CTNNA2: variants seen among roughly 807,000 people sequenced by gnomAD.
CTNNA2 encodes catenin alpha 2.
CTNNA2 carries 42 observed loss-of-function variants against 101.0 expected under a neutral mutation model. The ratio of observed to expected loss-of-function variants is 0.42; its 90% CI spans 0.32 to 0.54. The LOEUF (loss-of-function observed/expected upper bound fraction) is 0.54, where lower values mean the gene tolerates loss of function less well. Ranked by LOEUF, CTNNA2 falls within the 20% of genes least tolerant of loss-of-function variation. The probability of loss-of-function intolerance (pLI) is 0.14; values close to 1 mark genes in which losing one functional copy is unlikely to be tolerated. For synonymous variants in CTNNA2, 450 were observed against 456.4 expected (o/e 0.99, Z 0.18); for missense variants, 871 against 1,223.1 (o/e 0.71, Z 4.29).
chr2:79,425,676 G>A (rs1678585008), intron 4 of CTNNA2, among the ~76,000 whole-genome samples: 1 of 152,098 alleles, frequency 6.6e-6, no homozygotes, highest in African/African-American at 2.4e-5. Flanking sequence ...CACAACACCT[G>A]AGTTTTGGAT....
intron 7 of CTNNA2, among the ~76,000 whole-genome samples, chr2:80,065,299 A>C (rs1039887384): frequency 1.3e-5 from 2 of 151,872 alleles, no homozygotes; most frequent in Non-Finnish European, 2.9e-5. Context: ...AGAAGTCGAT[A>C]TACCTAGTGG....
intron 11 of CTNNA2, among the ~76,000 whole-genome samples, chr2:80,550,867 C>T (rs567162344): frequency 1.1e-4 from 17 of 152,248 alleles, no homozygotes; most frequent in South Asian, 4.1e-4. Context: ...TGACTTTCTC[C>T]GGTGAATCAA....
intron 2 of CTNNA2, among the ~76,000 whole-genome samples, chr2:79,694,937 G>A (rs1323414988): frequency 6.6e-6 from 1 of 151,578 alleles, no homozygotes; most frequent in Non-Finnish European, 1.5e-5. Flanking sequence ...ACAGGCATCT[G>A]TTGTTACAGG....
intron 9 of CTNNA2, among the ~76,000 whole-genome samples, chr2:80,501,985 T>C (rs976672249): frequency 6.6e-6 from 1 of 152,146 alleles, no homozygotes; most frequent in Non-Finnish European, 1.5e-5. Flanking sequence ...TCCAAGTTTG[T>C]TATAACACAC....
intron 7 of CTNNA2, among the ~76,000 whole-genome samples, chr2:80,249,020 CA>C (rs2149103150): frequency 6.6e-6 from 1 of 152,194 alleles, no homozygotes; most frequent in African/African-American, 2.4e-5. Flanking sequence ...CTTTTCTAAT[CA>C]GGGTTTTAGT....
chr2:79,893,065 G>A (rs1684419017), intron 6 of CTNNA2, among the ~76,000 whole-genome samples: 1 of 152,110 alleles, frequency 6.6e-6, no homozygotes, highest in African/African-American at 2.4e-5. Context: ...AATCCTTGAT[G>A]AGAAAATCTC....
rs1674365249 is a variant in CTNNA2, at chr2:80,648,591, A to G, written c.*719A>G. ...CAATACGGTGACCAATCTTGCTTTCATTTTTTTTTCTTTTTAATTTGAACC... is the reference window on the plus strand; with the variant it reads ...CAATACGGTGACCAATCTTGCTTTCGTTTTTTTTTCTTTTTAATTTGAACC... On this transcript the variant is annotated 3_prime_UTR_variant, in exon 19 of 19. Transcript: ENST00000402739. 1 of 132,946 alleles carries G rather than the reference A, an allele frequency of 7.5e-6. No homozygotes were observed. The highest frequency in any genetic ancestry group is 1.7e-5 in the Non-Finnish European group (1 of 57,256). The allele number at this position is 132,946 out of a possible 1,614,324, so 8.2% of individuals were successfully genotyped here. A position where few individuals can be genotyped will look rare whatever the true frequency, so the allele number is the denominator to read the frequency against.
chr2:80,395,693 C>T (rs1050408384), intron 8 of CTNNA2, among the ~76,000 whole-genome samples: 9 of 152,100 alleles, frequency 5.9e-5, no homozygotes, highest in South Asian at 2.1e-4. Context: ...GCTCAGAGAA[C>T]GCTAATGGCT....
At chr2:80,208,662 T>C (rs554930577) in intron 7 of CTNNA2, among the ~76,000 whole-genome samples, 1 of 152,302 alleles carries the variant, frequency 6.6e-6, no homozygotes, top group African/African-American at 2.4e-5. Context: ...GTACCATCCC[T>C]AAGGATCCAG....
chr2:79,719,320 A>G (rs1686322479), intron 2 of CTNNA2, among the ~76,000 whole-genome samples: 1 of 152,270 alleles, frequency 6.6e-6, no homozygotes, highest in South Asian at 2.1e-4. Flanking sequence ...CCATTAATGG[A>G]CACCTAGGTT....
chr2:80,225,409 G>A (rs1708824799), intron 7 of CTNNA2, among the ~76,000 whole-genome samples: 1 of 152,124 alleles, frequency 6.6e-6, no homozygotes, highest in Non-Finnish European at 1.5e-5. Flanking sequence ...ATGACAGACT[G>A]ATGCTGTGAA....
At chr2:80,190,793 T>A (rs530883348) in intron 7 of CTNNA2, among the ~76,000 whole-genome samples, 4 of 152,226 alleles carry the variant, frequency 2.6e-5, no homozygotes, top group Admixed American at 6.5e-5. Flanking sequence ...TCTCTTCAAC[T>A]TAGAATGCCA....
In CTNNA2 at chr2:80,647,602, G is replaced by A. The variant is rs773638488; in HGVS notation, c.2592G>A (p.Ser864=). 5.8e-5 allele frequency: 93 copies of A among 1,612,116 alleles called. No individual in the cohort carries two copies. The highest frequency in any genetic ancestry group is 2.5e-4 in the Admixed American group (15 of 59,902). ...SDSSMLDSAT[S]LIQAAKNLMN... ...TACTCTAGCTGGACAGTGCCACATC[G>A]CTTATCCAGGCAGCTAAAAACCTGA... is the stretch of plus-strand genomic sequence containing the variant. Residue 864 remains serine, a synonymous_variant, in exon 19 of 19, where the codon TCG becomes TCA. Transcript: ENST00000402739.
intron 18 of CTNNA2, among the ~76,000 whole-genome samples, chr2:80,640,407 G>C (rs1673337883): frequency 6.6e-6 from 1 of 152,160 alleles, no homozygotes; most frequent in Non-Finnish European, 1.5e-5. Flanking sequence ...CTCCAACACA[G>C]AAATGAGAGC....
At chr2:79,259,250 G>A (rs1674889355) in intron 2 of CTNNA2, among the ~76,000 whole-genome samples, 1 of 152,118 alleles carries the variant, frequency 6.6e-6, no homozygotes, top group Non-Finnish European at 1.5e-5. Context: ...AGATTCCTGA[G>A]CAGATGAGGG....
intron 6 of CTNNA2, among the ~76,000 whole-genome samples, chr2:79,904,150 A>G (rs1292240650): frequency 6.6e-6 from 1 of 152,168 alleles, no homozygotes; most frequent in Non-Finnish European, 1.5e-5. Flanking sequence ...CTCTTCTGGA[A>G]GTATTTTTTT....
At position 80,204,826 on chromosome 2, in the gene CTNNA2, CA is replaced by C. The variant is rs35583561; in HGVS notation, c.1057-188371del. Among the ~76,000 whole-genome samples, 351 of 136,376 alleles carry C rather than the reference CA, an allele frequency of 2.6e-3. 1 individual carries two copies. The highest frequency in any genetic ancestry group is 3.7e-3 in the South Asian group (16 of 4,326). The allele number at this position is 136,376 out of a possible 152,430, so 89.5% of individuals were successfully genotyped here. A position where few individuals can be genotyped will look rare whatever the true frequency, so the allele number is the denominator to read the frequency against. The stretch of plus-strand genomic sequence containing the variant: ...GACATACCCAAGACTGGGCAATTTC[CA>C]AAAAAAAAAAAAAGATTTATGAACT... On this transcript the variant is annotated intron_variant, in intron 7 of 18. Coordinates refer to ENST00000402739, the MANE Select transcript of CTNNA2 (RefSeq NM_001282597.3).
At chr2:80,493,262 C>G (rs570359770) in intron 9 of CTNNA2, among the ~76,000 whole-genome samples, 1 of 152,276 alleles carries the variant, frequency 6.6e-6, no homozygotes, top group Admixed American at 6.5e-5. Flanking sequence ...TTGTCTGTGG[C>G]CTCCAGAGAG....
chr2:79,367,794 G>T (rs567616829), intron 3 of CTNNA2, among the ~76,000 whole-genome samples: 17 of 152,284 alleles, frequency 1.1e-4, no homozygotes, highest in Non-Finnish European at 2.2e-4. Context: ...ATATTAGGCA[G>T]TTTCTAAGGG....
Sources: allele counts gnomAD v4.1 joint callset (sites outside exome capture counted in the v4.1 genomes callset), GRCh38; gene constraint gnomAD v4.1.1; transcripts MANE v1.5; gene names NCBI Gene and HGNC (gene_info 2026-07-23, HGNC 2026-07-21).